The following PIK3CB variants were observed in gnomAD, a reference collection of about 807,000 sequenced individuals.
PIK3CB encodes the protein phosphatidylinositol 4,5-bisphosphate 3-kinase catalytic subunit beta isoform.
PIK3CB carries 39 observed loss-of-function variants against 136.8 expected under a neutral mutation model. That is an observed-to-expected ratio of 0.29 (90% CI 0.22 to 0.37). The LOEUF (loss-of-function observed/expected upper bound fraction) is 0.37. PIK3CB is among the 10% of genes least tolerant of loss of function. The probability of loss-of-function intolerance (pLI) is 1.00; values close to 1 mark genes in which losing one functional copy is unlikely to be tolerated. For missense variants in PIK3CB, 868 were observed against 1,275.4 expected (o/e 0.68, Z 4.87); for synonymous variants, 428 against 436.6 (o/e 0.98, Z 0.25).
chr3:138,723,703 T>C (rs1455953068), intron 8 of PIK3CB, among the ~76,000 whole-genome samples: 2 of 152,218 alleles, frequency 1.3e-5, no homozygotes, highest in East Asian at 1.9e-4. Context: ...CACTGTGCTA[T>C]AGCAGGGAGG....
intron 19 of PIK3CB, among the ~76,000 whole-genome samples, chr3:138,679,790 G>A (rs186109254): frequency 7.9e-4 from 116 of 147,200 alleles, no homozygotes; most frequent in African/African-American, 2.8e-3. Flanking sequence ...TAGAGACAGG[G>A]TTTCACCATG....
intron 2 of PIK3CB, among the ~76,000 whole-genome samples, chr3:138,788,335 T>G (rs1464737759): frequency 6.6e-6 from 1 of 152,106 alleles, no homozygotes; most frequent in Non-Finnish European, 1.5e-5. Flanking sequence ...GGAAATAAAC[T>G]TAAAACATTC....
chr3:138,779,170 C>T (rs1456387151), intron 2 of PIK3CB, among the ~76,000 whole-genome samples: 1 of 150,550 alleles, frequency 6.6e-6, no homozygotes, highest in Non-Finnish European at 1.5e-5. Context: ...ACTGCAAGCT[C>T]TGCCTCCTGG....
Position 138,712,233 on chromosome 3 carries a change from T to C in PIK3CB, c.1374A>G (p.Ile458Met). The C allele has an allele frequency of 1.3e-6, 2 of 1,567,984 alleles. No individual in the cohort carries two copies. Among genetic ancestry groups the C allele is most frequent in the South Asian group, 1.1e-5 (1 of 87,668 alleles). ...FKGQLRTGDI[I>M]LHSWSSFPDE... ...CAGGAAATGAAGACCAGCTGTGTAATATTATGTCTCCAGTTCTCAATTGTC... is the reference window on the plus strand; with the variant it reads ...CAGGAAATGAAGACCAGCTGTGTAACATTATGTCTCCAGTTCTCAATTGTC... Residue 458 changes from isoleucine to methionine, a missense_variant, in exon 10 of 24, where the codon ATA (isoleucine) becomes ATG (methionine). Ile to Met is a conservative substitution (Grantham distance 10). Transcript: ENST00000674063.
chr3:138,758,873 A>AGGGGGAAGAGAAGAAAAAG (rs2045619331), intron 3 of PIK3CB, among the ~76,000 whole-genome samples: 1 of 152,214 alleles, frequency 6.6e-6, no homozygotes, highest in Non-Finnish European at 1.5e-5. Context: ...AGTCAAGGAA[A>AGGGGGAAGAGAAGAAAAAG]GGGGGAAGAG....
At chr3:138,720,990 T>C (rs1025196841) in intron 8 of PIK3CB, among the ~76,000 whole-genome samples, 4 of 152,204 alleles carry the variant, frequency 2.6e-5, no homozygotes, top group Non-Finnish European at 5.9e-5. Flanking sequence ...TCCAGAGAGA[T>C]AATAAGCCTG....
Position 138,652,753 on chromosome 3 carries a change from G to A in PIK3CB, c.*2636C>T. 1 of 221,250 alleles carries A rather than the reference G, an allele frequency of 4.5e-6. No individual in the cohort carries two copies. The highest frequency in any genetic ancestry group is 5.8e-5 in the Admixed American group (1 of 17,378). The allele number at this position is 221,250 out of a possible 1,614,324, so 13.7% of individuals were successfully genotyped here. A position where few individuals can be genotyped will look rare whatever the true frequency, so the allele number is the denominator to read the frequency against. ...TTAAAATAACTAAAAGAGTATAACT[G>A]GATTGTTTCTAATACAAAGGATAAA... On this transcript the variant is annotated 3_prime_UTR_variant, in exon 24 of 24. Transcript: ENST00000674063.
chr3:138,737,868 C>A lies in PIK3CB; in HGVS notation c.640G>T (p.Val214Leu), dbSNP rs1027645660. Residue 214 changes from valine to leucine, a missense_variant, in exon 6 of 24, where the codon GTG becomes TTG. Val to Leu is a conservative substitution (Grantham distance 32). Transcript: ENST00000674063. ...TTGATAGGATTCATATTAGGAGACA[C>A]TTGAAAGCTAAACACGTCCTGAAGG... ...ENCQDVFSFQ[V>L]SPNMNPIKVN... The A allele has an allele frequency of 6.9e-6, 11 of 1,598,738 alleles. No homozygotes were observed. Among genetic ancestry groups the A allele is most frequent in the East Asian group, 2.3e-5 (1 of 44,062 alleles).
At chr3:138,821,403 C>T (rs1324649109) in intron 1 of PIK3CB, among the ~76,000 whole-genome samples, 1 of 151,376 alleles carries the variant, frequency 6.6e-6, no homozygotes, top group East Asian at 2.0e-4. Flanking sequence ...TCAGGAGCCA[C>T]TGGACCATCA....
chr3:138,749,699 T>A (rs924163853), intron 4 of PIK3CB, among the ~76,000 whole-genome samples: 2 of 152,192 alleles, frequency 1.3e-5, no homozygotes, highest in African/African-American at 2.4e-5. Flanking sequence ...TTTCTCCACC[T>A]CTCTTTACCT....
intron 2 of PIK3CB, among the ~76,000 whole-genome samples, chr3:138,773,437 T>C (rs1436511139): frequency 1.3e-5 from 2 of 152,030 alleles, no homozygotes; most frequent in African/African-American, 4.8e-5. Flanking sequence ...ATATAATCCA[T>C]AACACTGGTA....
chr3:138,831,351 G>C (rs2108937920), intron 1 of PIK3CB, among the ~76,000 whole-genome samples: 1 of 152,082 alleles, frequency 6.6e-6, no homozygotes, highest in South Asian at 2.1e-4. Context: ...CCAGCACTTT[G>C]GGAGGCCGAG....
intron 1 of PIK3CB, among the ~76,000 whole-genome samples, chr3:138,830,774 C>T (rs551561108): frequency 7.2e-4 from 106 of 146,892 alleles, no homozygotes; most frequent in Admixed American, 1.2e-3. Context: ...TGTTGGCTGG[C>T]GCCTGTAGTC....
intron 2 of PIK3CB, among the ~76,000 whole-genome samples, chr3:138,796,228 C>T (rs1228125222): frequency 6.6e-6 from 1 of 151,632 alleles, no homozygotes; most frequent in Non-Finnish European, 1.5e-5. Context: ...ACTAAAAATA[C>T]AAAAATATTA....
chr3:138,826,953 C>T (rs555627623), intron 1 of PIK3CB, among the ~76,000 whole-genome samples: 24 of 152,196 alleles, frequency 1.6e-4, no homozygotes, highest in African/African-American at 5.5e-4. Flanking sequence ...CCTGTAATCC[C>T]AGCTACTCGG....
intron 15 of PIK3CB, 43 bp from the exon 16 acceptor site, chr3:138,689,017 A>C: frequency 8.8e-7 from 1 of 1,133,750 alleles, no homozygotes; most frequent in Non-Finnish European, 1.3e-6. Context: ...TTTATCAAAC[A>C]CTTCAGATCA....
At chr3:138,705,174 CAAAAAACAAAACAAACAAAAAAAA>C (rs1559828634) in intron 11 of PIK3CB, among the ~76,000 whole-genome samples, 1 of 57,062 alleles carries the variant, frequency 1.8e-5, no homozygotes, top group Non-Finnish European at 3.0e-5. Flanking sequence ...AAAAAAAAAA[CAAAAAACAAAACAAACAAAAAAAA>C]AAACTTATAT....
intron 12 of PIK3CB, among the ~76,000 whole-genome samples, chr3:138,700,629 A>G (rs967534234): frequency 1.3e-5 from 2 of 152,146 alleles, no homozygotes; most frequent in Non-Finnish European, 2.9e-5. Context: ...TCAAGGCTGC[A>G]GTGAGCTATG....
At chr3:138,781,867 G>A (rs1249710872) in intron 2 of PIK3CB, among the ~76,000 whole-genome samples, 1 of 152,028 alleles carries the variant, frequency 6.6e-6, no homozygotes, top group Non-Finnish European at 1.5e-5. Context: ...GGCTACAGAA[G>A]GCCACGTTAA....
Sources: gnomAD v4.1 joint callset for allele counts (sites outside exome capture counted in the v4.1 genomes callset) on GRCh38, gnomAD v4.1.1 for gene constraint, MANE v1.5 for transcripts, NCBI Gene and HGNC (gene_info 2026-07-23, HGNC 2026-07-21) for gene names.